The following RALYL variants were observed in gnomAD, a reference collection of about 807,000 sequenced individuals.
The protein encoded by RALYL is RNA-binding Raly-like protein.
A neutral mutation model predicts 35.1 loss-of-function variants in RALYL; 29 were observed. The observed-to-expected ratio is 0.83, with a 90% CI of 0.61 to 1.13. The LOEUF (loss-of-function observed/expected upper bound fraction) is 1.13, where lower values mean the gene tolerates loss of function less well. Among genes scored for constraint, RALYL ranks in the 50% most tolerant of loss-of-function variants. RALYL has a pLI of 0.00. For missense variants in RALYL, 359 were observed against 360.4 expected (o/e 1.00, Z 0.03); for synonymous variants, 120 against 127.6 (o/e 0.94, Z 0.40).
intron 3 of RALYL, among the ~76,000 whole-genome samples, chr8:84,798,131 A>G (rs1042383150): frequency 1.3e-5 from 2 of 152,138 alleles, no homozygotes; most frequent in Non-Finnish European, 2.9e-5. Flanking sequence ...ATGATTTAAT[A>G]TACTAATTCT....
chr8:84,782,475 A>C (rs901555726), intron 3 of RALYL, among the ~76,000 whole-genome samples: 6 of 152,238 alleles, frequency 3.9e-5, no homozygotes, highest in African/African-American at 1.4e-4. Flanking sequence ...CATCATTCTT[A>C]CAGTTGGCAG....
chr8:84,337,166 C>CTATTT (rs1847954339), intron 1 of RALYL, among the ~76,000 whole-genome samples: 1 of 151,562 alleles, frequency 6.6e-6, no homozygotes, highest in African/African-American at 2.4e-5. Context: ...TAGACTGTTA[C>CTATTT]TATTTTGTTT....
chr8:84,264,449 GTTT>G (rs373596991), intron 1 of RALYL, among the ~76,000 whole-genome samples: 1 of 121,266 alleles, frequency 8.2e-6, no homozygotes, highest in Non-Finnish European at 1.8e-5. Context: ...CTTTTTAATG[GTTT>G]TTTTTTTTTT....
intron 2 of RALYL, among the ~76,000 whole-genome samples, chr8:84,769,243 TG>T (rs764938514): frequency 1.1e-5 from 1 of 90,594 alleles, no homozygotes; most frequent in Non-Finnish European, 2.6e-5. Flanking sequence ...AGCCTCGATC[TG>T]GCTGTGCCTT....
intron 1 of RALYL, among the ~76,000 whole-genome samples, chr8:84,347,878 C>A (rs1288370112): frequency 1.3e-5 from 2 of 152,080 alleles, no homozygotes; most frequent in East Asian, 3.9e-4. Context: ...AAGAACAATT[C>A]ATGAGTTGGG....
intron 2 of RALYL, among the ~76,000 whole-genome samples, chr8:84,646,606 T>C (rs1254998212): frequency 6.6e-6 from 1 of 152,120 alleles, no homozygotes; most frequent in Non-Finnish European, 1.5e-5. Context: ...ATACTCTTCA[T>C]AAATTGAGAG....
intron 1 of RALYL, among the ~76,000 whole-genome samples, chr8:84,453,372 G>A (rs1466909232): frequency 2.6e-5 from 4 of 151,908 alleles, no homozygotes; most frequent in Admixed American, 1.3e-4. Context: ...GATACAGAAA[G>A]AGAAAATATG....
At chr8:84,236,887 A>G (rs1429980217) in intron 1 of RALYL, among the ~76,000 whole-genome samples, 1 of 152,212 alleles carries the variant, frequency 6.6e-6, no homozygotes, top group Non-Finnish European at 1.5e-5. Context: ...ATAAAAGTTT[A>G]TTAAGCTGAA....
intron 4 of RALYL, among the ~76,000 whole-genome samples, chr8:84,811,287 GGAT>G (rs928483636): frequency 1.4e-4 from 21 of 152,134 alleles, no homozygotes; most frequent in African/African-American, 4.8e-4. Context: ...TAGTTTCGCT[GGAT>G]ACAAAATTCT....
At chr8:84,821,165 T>C (rs901061681) in intron 4 of RALYL, among the ~76,000 whole-genome samples, 1 of 152,188 alleles carries the variant, frequency 6.6e-6, no homozygotes, top group Non-Finnish European at 1.5e-5. Flanking sequence ...ATCTAAATAA[T>C]TTTTTGGCAG....
chr8:84,836,467 C>T (rs1832047850), intron 4 of RALYL, among the ~76,000 whole-genome samples: 1 of 152,154 alleles, frequency 6.6e-6, no homozygotes, highest in African/African-American at 2.4e-5. Context: ...TCCCCCATTA[C>T]AAAGGTCCTT....
intron 5 of RALYL, among the ~76,000 whole-genome samples, 196 bp from the exon 6 acceptor site, chr8:84,862,100 A>T (rs1838214436): frequency 1.3e-5 from 2 of 152,266 alleles, no homozygotes; most frequent in Admixed American, 1.3e-4. Context: ...CAGAAAGCAT[A>T]GACTATATTA....
chr8:84,426,424 T>TTCTC (rs759464988), intron 1 of RALYL, among the ~76,000 whole-genome samples: 120 of 143,788 alleles, frequency 8.3e-4, no homozygotes, highest in Non-Finnish European at 1.6e-3. Flanking sequence ...CTCTTTTGCG[T>TTCTC]TCTCTCTCTC....
At position 84,215,533 on chromosome 8, in the gene RALYL, A is replaced by G. The variant is rs141245971; in HGVS notation, c.-24+31109A>G. 9.5e-3 allele frequency among the ~76,000 whole-genome samples: 1,327 copies of G among 139,952 alleles called. 23 individuals are homozygous for G. The highest frequency in any genetic ancestry group is 0.033 in the African/African-American group (1,160 of 35,402). 91.8% of individuals were successfully genotyped at this position (139,952 alleles called of 152,430 possible). ...TTCATAAATATACATTTATTTATGC[A>G]TAAGGTTTTTTTTTTTAATCCCAGG... On this transcript the variant is annotated intron_variant, in intron 1 of 8. Transcript: ENST00000521268.
intron 8 of RALYL, among the ~76,000 whole-genome samples, chr8:84,895,428 C>T (rs1844591458): frequency 6.7e-6 from 1 of 149,452 alleles, no homozygotes; most frequent in African/African-American, 2.4e-5. Flanking sequence ...ATATTTTTTT[C>T]CAAAGTCAGA....
intron 2 of RALYL, among the ~76,000 whole-genome samples, chr8:84,630,651 GA>G (rs780156590): frequency 3.5e-4 from 53 of 151,874 alleles, no homozygotes; most frequent in Non-Finnish European, 7.5e-4. Context: ...GTTGATTTGA[GA>G]AAACTAAACA....
At chr8:84,505,171 C>A (rs1183710456) in intron 1 of RALYL, among the ~76,000 whole-genome samples, 1 of 152,146 alleles carries the variant, frequency 6.6e-6, no homozygotes, top group Non-Finnish European at 1.5e-5. Context: ...TATTTGCCAT[C>A]AATCTGCACC....
At chr8:84,307,258 G>A (rs1841989745) in intron 1 of RALYL, among the ~76,000 whole-genome samples, 1 of 152,006 alleles carries the variant, frequency 6.6e-6, no homozygotes, top group Non-Finnish European at 1.5e-5. Context: ...GCCATTTATG[G>A]GCACACTTCA....
At chr8:84,858,818 T>G (rs757952238) in intron 5 of RALYL, among the ~76,000 whole-genome samples, 53 of 152,182 alleles carry the variant, frequency 3.5e-4, no homozygotes, top group Non-Finnish European at 4.9e-4. Context: ...ATCCTTGTCT[T>G]GTTATGTTTT....
Sources: allele counts gnomAD v4.1 joint callset (sites outside exome capture counted in the v4.1 genomes callset), GRCh38; gene constraint gnomAD v4.1.1; transcripts MANE v1.5; gene names NCBI Gene and HGNC (gene_info 2026-07-23, HGNC 2026-07-21).